CHRM2: variants seen among roughly 807,000 people sequenced by gnomAD.
CHRM2 encodes the protein cholinergic receptor muscarinic 2, also known as muscarinic acetylcholine receptor M2.
A neutral mutation model predicts 25.0 loss-of-function variants in CHRM2; 8 were observed. The observed-to-expected ratio is 0.32, with a 90% confidence interval of 0.19 to 0.58. The LOEUF (loss-of-function observed/expected upper bound fraction) is 0.58, where lower values mean the gene tolerates loss of function less well. Ranked by LOEUF, CHRM2 falls within the 20% of genes least tolerant of loss-of-function variation. The pLI, the probability that CHRM2 is intolerant of heterozygous loss-of-function variation, is 0.88. For missense variants in CHRM2, 440 were observed against 567.1 expected (o/e 0.78, Z 2.28); for synonymous variants, 202 against 205.7 (o/e 0.98, Z 0.15).
chr7:136,882,132 T>C (rs1053871038), intron 2 of CHRM2, among the ~76,000 whole-genome samples: 3 of 152,070 alleles, frequency 2.0e-5, no homozygotes, highest in Admixed American at 2.0e-4. Context: ...AAACTGATAC[T>C]GTTTGAATAT....
At chr7:136,904,072 T>A (rs2130639665) in intron 2 of CHRM2, among the ~76,000 whole-genome samples, 1 of 152,056 alleles carries the variant, frequency 6.6e-6, no homozygotes, top group African/African-American at 2.4e-5. Context: ...GCATTTTGCA[T>A]CTACATTTGC....
At chr7:136,898,928 C>T (rs895829231) in intron 2 of CHRM2, 3 of 152,058 alleles carry the variant, frequency 2.0e-5, no homozygotes, top group Non-Finnish European at 4.4e-5. Flanking sequence ...ATAGACTATA[C>T]TAAAGACTTA....
At chr7:136,903,330 A>G (rs776227265) in intron 2 of CHRM2, 1 of 482,094 alleles carries the variant, frequency 2.1e-6, no homozygotes, top group East Asian at 5.9e-5. Context: ...GGTGTCTTCT[A>G]TAGTGTATGT....
chr7:137,000,102 T>TAGCCAG (rs1435539289), intron 3 of CHRM2, among the ~76,000 whole-genome samples: 2 of 151,902 alleles, frequency 1.3e-5, no homozygotes, highest in Admixed American at 1.3e-4. Context: ...ACTCCCAACC[T>TAGCCAG]AGCCAGAGTC....
chr7:136,875,371 G>C (rs1455833589), intron 2 of CHRM2, among the ~76,000 whole-genome samples: 1 of 152,084 alleles, frequency 6.6e-6, no homozygotes, highest in East Asian at 1.9e-4. Flanking sequence ...AACTAGAAGT[G>C]AGGTTGATAT....
chr7:136,948,511 G>A (rs577564054), intron 2 of CHRM2, among the ~76,000 whole-genome samples: 7 of 152,280 alleles, frequency 4.6e-5, no homozygotes, highest in African/African-American at 1.7e-4. Context: ...GGTTAACTGT[G>A]AGGACATTTA....
intron 2 of CHRM2, among the ~76,000 whole-genome samples, chr7:136,986,657 G>C (rs1464897095): frequency 1.3e-5 from 2 of 152,084 alleles, no homozygotes; most frequent in Admixed American, 1.3e-4. Context: ...TATTTATCTT[G>C]TTAAAAATTT....
chr7:136,884,885 T>C (rs971161173), intron 2 of CHRM2, among the ~76,000 whole-genome samples: 8 of 152,188 alleles, frequency 5.3e-5, no homozygotes, highest in African/African-American at 1.9e-4. Flanking sequence ...AATTCCACAC[T>C]CAGTGAAGAT....
At chr7:137,011,644 G>A (rs1022488129) in intron 3 of CHRM2, among the ~76,000 whole-genome samples, 3 of 151,938 alleles carry the variant, frequency 2.0e-5, no homozygotes, top group Admixed American at 6.6e-5. Context: ...AGACACATCC[G>A]AATTAATATT....
intron 2 of CHRM2, among the ~76,000 whole-genome samples, chr7:136,968,262 T>G (rs561284691): frequency 6.6e-6 from 1 of 151,952 alleles, no homozygotes; most frequent in African/African-American, 2.4e-5. Context: ...AAATGACTGA[T>G]AAGTATATGA....
intron 3 of CHRM2, among the ~76,000 whole-genome samples, chr7:136,997,700 T>C (rs994876012): frequency 6.6e-6 from 1 of 152,214 alleles, no homozygotes; most frequent in Non-Finnish European, 1.5e-5. Context: ...CTTTGGAATT[T>C]TGTTTAGATT....
intron 2 of CHRM2, among the ~76,000 whole-genome samples, chr7:136,880,642 T>C (rs1371415591): frequency 1.3e-5 from 2 of 151,866 alleles, no homozygotes; most frequent in Admixed American, 6.6e-5. Context: ...TAATAGACTT[T>C]ATTTATTAGG....
At chr7:136,997,167 T>C (rs996330357) in intron 3 of CHRM2, among the ~76,000 whole-genome samples, 1 of 152,194 alleles carries the variant, frequency 6.6e-6, no homozygotes, top group East Asian at 1.9e-4. Context: ...ATATATACAA[T>C]GTAATCTAAA....
At chr7:136,967,110 C>A (rs1801467817) in intron 2 of CHRM2, among the ~76,000 whole-genome samples, 1 of 151,894 alleles carries the variant, frequency 6.6e-6, no homozygotes, top group Admixed American at 6.6e-5. Context: ...AGAAGAATGT[C>A]ATGGATCTTG....
At chr7:136,945,684 T>C (rs1235112099) in intron 2 of CHRM2, among the ~76,000 whole-genome samples, 1 of 152,120 alleles carries the variant, frequency 6.6e-6, no homozygotes, top group Non-Finnish European at 1.5e-5. Flanking sequence ...TTTTGCTAAC[T>C]CTTGCTTTGG....
chr7:137,000,361 G>C (rs1563117918), intron 3 of CHRM2, among the ~76,000 whole-genome samples: 1 of 151,020 alleles, frequency 6.6e-6, no homozygotes, highest in Non-Finnish European at 1.5e-5. Context: ...ACTATGCCCA[G>C]CTATTTTTTT....
At chr7:137,011,215 G>GTATATATATATATATA (rs71176365) in intron 3 of CHRM2, among the ~76,000 whole-genome samples, 3 of 134,308 alleles carry the variant, frequency 2.2e-5, no homozygotes, top group African/African-American at 6.4e-5. Flanking sequence ...GTGTGTGTGT[G>GTATATATATATATATA]TATATATATA....
chr7:136,907,398 T>C (rs1213457599), intron 2 of CHRM2, among the ~76,000 whole-genome samples: 2 of 151,978 alleles, frequency 1.3e-5, no homozygotes, highest in Non-Finnish European at 2.9e-5. Context: ...ATGGTTCGTC[T>C]TGATGGAAGC....
chr7:136,884,158 A>G (rs1796369996), intron 2 of CHRM2, among the ~76,000 whole-genome samples: 1 of 152,130 alleles, frequency 6.6e-6, no homozygotes, highest in South Asian at 2.1e-4. Context: ...TGTTCCCTGG[A>G]GATGTATGAC....
Sources: allele counts gnomAD v4.1 joint callset (sites outside exome capture counted in the v4.1 genomes callset), GRCh38; gene constraint gnomAD v4.1.1; transcripts MANE v1.5; gene names NCBI Gene and HGNC (gene_info 2026-07-23, HGNC 2026-07-21).